The following ALK variants were observed in gnomAD, a reference collection of about 807,000 sequenced individuals.
ALK encodes ALK receptor tyrosine kinase.
A neutral mutation model predicts 163.1 loss-of-function variants in ALK; 74 were observed. That is an observed-to-expected ratio of 0.45 (90% CI 0.38 to 0.55). The LOEUF (loss-of-function observed/expected upper bound fraction) is 0.55. Ranked by LOEUF, ALK falls within the 20% of genes least tolerant of loss-of-function variation. The pLI is 0.00. For synonymous variants in ALK, 960 were observed against 843.2 expected, an observed-to-expected ratio of 1.14 and a Z score of -2.40; for missense variants, 2,063 against 2,105.3, an observed-to-expected ratio of 0.98 and a Z score of 0.39.
chr2:29,351,100 A>G (rs752270255), intron 5 of ALK, among the ~76,000 whole-genome samples: 5 of 152,236 alleles, frequency 3.3e-5, no homozygotes, highest in Admixed American at 6.5e-5. Context: ...CATTGCTCCT[A>G]TTTGAACATG....
At chr2:29,798,850 A>G (rs945150479) in intron 1 of ALK, among the ~76,000 whole-genome samples, 2 of 152,194 alleles carry the variant, frequency 1.3e-5, no homozygotes, top group Non-Finnish European at 2.9e-5. Flanking sequence ...AAAAAAAGAG[A>G]GGGAGAAAGA....
At chr2:29,760,347 C>T (rs540632350) in intron 1 of ALK, among the ~76,000 whole-genome samples, 50 of 152,222 alleles carry the variant, frequency 3.3e-4, no homozygotes, top group Non-Finnish European at 6.6e-4. Context: ...CCCTCTCGGC[C>T]GCAGCTTCTT....
chr2:29,717,922 C>A (rs992742716), intron 1 of ALK, among the ~76,000 whole-genome samples: 1 of 152,170 alleles, frequency 6.6e-6, no homozygotes, highest in African/African-American at 2.4e-5. Context: ...ATGTTCTGAC[C>A]AAGGCCATGC....
intron 5 of ALK, among the ~76,000 whole-genome samples, chr2:29,374,439 A>G (rs1373819591): frequency 2.6e-5 from 4 of 152,168 alleles, no homozygotes; most frequent in Admixed American, 1.3e-4. Flanking sequence ...CATGAAAAAA[A>G]AAAAAGCACT....
intron 28 of ALK, among the ~76,000 whole-genome samples, chr2:29,194,676 G>A (rs547169770): frequency 9.6e-4 from 23 of 24,070 alleles, no homozygotes; most frequent in South Asian, 6.8e-3. Flanking sequence ...CCCCACCCCC[G>A]CTAATTTTTG....
At chr2:29,615,477 C>T (rs1675816334) in intron 3 of ALK, among the ~76,000 whole-genome samples, 1 of 152,164 alleles carries the variant, frequency 6.6e-6, no homozygotes, top group Non-Finnish European at 1.5e-5. Context: ...AGCTCATTGG[C>T]TTATAGCACT....
At chr2:29,221,230 AAGAG>A (rs1260036780) in intron 22 of ALK, 2 of 532,160 alleles carry the variant, frequency 3.8e-6, no homozygotes, top group East Asian at 8.6e-5. Context: ...AACTGCTTCC[AAGAG>A]AGACTGGGTG....
At chr2:29,766,211 A>AT (rs1249031331) in intron 1 of ALK, among the ~76,000 whole-genome samples, 1 of 152,216 alleles carries the variant, frequency 6.6e-6, no homozygotes, top group Non-Finnish European at 1.5e-5. Flanking sequence ...GGACACAGCA[A>AT]TAGTTCCAAT....
chr2:29,891,309 G>C (rs943826899), intron 1 of ALK, among the ~76,000 whole-genome samples: 2 of 152,168 alleles, frequency 1.3e-5, no homozygotes, highest in Non-Finnish European at 2.9e-5. Flanking sequence ...TCTTGCAGCA[G>C]ATTTTTAAAA....
At chr2:29,649,978 A>G (rs13410003) in intron 3 of ALK, among the ~76,000 whole-genome samples, 2,283 of 152,304 alleles carry the variant, frequency 0.015, 30 homozygotes, top group South Asian at 0.046. Context: ...CAGAGGACAG[A>G]GACCCTTTGG....
rs565743321 is a variant in ALK at position 29,297,016 on chromosome 2, G to A, written c.1689C>T (p.Asn563=). The change falls in exon 9 of 29, where the codon AAC becomes AAT. Residue 563 remains asparagine, a synonymous_variant. Coordinates refer to ENST00000389048, the MANE Select transcript of ALK (RefSeq NM_004304.5). ...SWLIRGVLRG[N]VSLVLVENKT... is the part of the protein sequence containing the mutation. ...TGTTCTCCACTAGCACCAAGGACAC[G>A]TTTCCCCTCAAGACTCCACGAATGA... 833 of 1,614,160 alleles carry A rather than the reference G, an allele frequency of 5.2e-4. 7 individuals are homozygous for A. The South Asian group carries it at 7.9e-3, about 15-fold the overall frequency.
chr2:29,271,070 T>C lies in ALK; in HGVS notation c.2041+4029A>G, dbSNP rs185301403. Among the ~76,000 whole-genome samples the C allele has an allele frequency of 4.6e-5, 7 of 152,260 alleles. No homozygotes were observed. In the East Asian group the frequency reaches 1.4e-3, roughly 29 times the overall value. ...CTCTGAAGGGAAGAGGCCTCCTCTA[T>C]TGGGGTGTGCTACTGAAGTAGGCTT... On this transcript the variant is annotated intron_variant, in intron 11 of 28. Transcript: ENST00000389048.
At chr2:29,470,718 A>G (rs1303131658) in intron 4 of ALK, among the ~76,000 whole-genome samples, 1 of 152,166 alleles carries the variant, frequency 6.6e-6, no homozygotes, top group East Asian at 1.9e-4. Flanking sequence ...GACCCTTACT[A>G]AAAGAAATAT....
intron 4 of ALK, among the ~76,000 whole-genome samples, chr2:29,389,248 A>T (rs1327034298): frequency 1.3e-5 from 2 of 152,192 alleles, no homozygotes; most frequent in Admixed American, 6.6e-5. Context: ...AGCATACGAG[A>T]GGTGAGTGAG....
rs2148178993 is a variant in ALK at position 29,227,158 on chromosome 2, T to C, written c.2915-84A>G. ...CAGTACTATGTCTCCAGGTGGTCAC[T>C]GTGGGTGCTCTGGTGGTCCCTGTTC... is the stretch of plus-strand genomic sequence containing the variant. On this transcript the variant is annotated intron_variant, in intron 17 of 28. Coordinates refer to ENST00000389048, the MANE Select transcript of ALK (RefSeq NM_004304.5). The surrounding 1 kb of genome is among the most constrained non-coding windows in gnomAD (Gnocchi z 4.4). 6.3e-7 allele frequency: 1 copy of C among 1,583,038 alleles called. No homozygotes were observed. The highest frequency in any genetic ancestry group is 8.7e-7 in the Non-Finnish European group (1 of 1,153,632).
At chr2:29,859,564 G>A (rs1010969595) in intron 1 of ALK, among the ~76,000 whole-genome samples, 7 of 152,156 alleles carry the variant, frequency 4.6e-5, no homozygotes, top group South Asian at 2.1e-4. Flanking sequence ...CGGCAAAACC[G>A]CAGGTGGAAG....
At chr2:29,824,707 C>G (rs1039777716) in intron 1 of ALK, among the ~76,000 whole-genome samples, 1 of 152,226 alleles carries the variant, frequency 6.6e-6, no homozygotes, top group South Asian at 2.1e-4. Context: ...GCCTGTACCC[C>G]CATTGTATCT....
At chr2:29,234,020 T>A (rs1421492296) in intron 13 of ALK, among the ~76,000 whole-genome samples, 1 of 152,080 alleles carries the variant, frequency 6.6e-6, no homozygotes, top group Non-Finnish European at 1.5e-5. Context: ...TTTGTTTTTT[T>A]CACAGAGAGT....
At chr2:29,777,005 T>C (rs10165121) in intron 1 of ALK, among the ~76,000 whole-genome samples, 28,911 of 151,914 alleles carry the variant, frequency 0.19, 3,052 homozygotes, top group East Asian at 0.36. Context: ...CAACTAGCTC[T>C]GTAATTGGTA....
Sources: allele counts gnomAD v4.1 joint callset (sites outside exome capture counted in the v4.1 genomes callset), GRCh38; gene constraint gnomAD v4.1.1; non-coding constraint Gnocchi (gnomAD v3.1); transcripts MANE v1.5; gene names NCBI Gene and HGNC (gene_info 2026-07-23, HGNC 2026-07-21).